GNE: variants seen among roughly 807,000 people sequenced by gnomAD.
The protein encoded by GNE is bifunctional UDP-N-acetylglucosamine 2-epimerase/N-acetylmannosamine kinase.
A neutral mutation model predicts 61.8 loss-of-function variants in GNE; 41 were observed. The ratio of observed to expected loss-of-function variants is 0.66; its 90% CI spans 0.52 to 0.86. The LOEUF (loss-of-function observed/expected upper bound fraction) is 0.86, where lower values mean the gene tolerates loss of function less well. GNE is among the 40% of genes least tolerant of loss of function. The pLI, the probability that GNE is intolerant of heterozygous loss-of-function variation, is 0.00. For synonymous variants in GNE, 264 were observed against 326.4 expected (o/e 0.81, Z 2.06); for missense variants, 608 against 909.1 (o/e 0.67, Z 4.26).
intron 1 of GNE, among the ~76,000 whole-genome samples, chr9:36,253,044 C>G (rs1830173221): frequency 6.7e-6 from 1 of 148,732 alleles, no homozygotes. Context: ...CACCTATAGT[C>G]CCAGCTACTT....
chr9:36,267,800 G>A (rs1830864901), intron 1 of GNE: 1 of 151,948 alleles, frequency 6.6e-6, no homozygotes, highest in African/African-American at 2.4e-5. Flanking sequence ...TGCAGTGGCA[G>A]TATCGTAGCC....
intron 3 of GNE, among the ~76,000 whole-genome samples, chr9:36,237,341 A>C (rs762297727): frequency 6.6e-6 from 1 of 152,234 alleles, no homozygotes; most frequent in Non-Finnish European, 1.5e-5. Context: ...AGCAATATCA[A>C]TGAATAATAA....
upstream of GNE, among the ~76,000 whole-genome samples, chr9:36,260,295 A>G (rs185150871): frequency 7.2e-4 from 108 of 149,730 alleles, 1 homozygote; most frequent in East Asian, 9.5e-3. Flanking sequence ...AAAAAAAAAA[A>G]AAAGAAAGAA....
upstream of GNE, among the ~76,000 whole-genome samples, chr9:36,260,599 G>C (rs545190638): frequency 8.5e-5 from 13 of 152,222 alleles, no homozygotes; most frequent in East Asian, 2.5e-3. Context: ...GCCAGGCGCG[G>C]TGGCTCACGC....
intron 1 of GNE, among the ~76,000 whole-genome samples, chr9:36,274,423 T>G (rs1347854325): frequency 6.6e-6 from 1 of 152,104 alleles, no homozygotes; most frequent in Non-Finnish European, 1.5e-5. Context: ...TATTTAGCGG[T>G]GCTTTCCTGG....
In GNE at chr9:36,258,380, C is replaced by G. The variant is rs1053014986; in HGVS notation, c.-102G>C. On this transcript the variant is annotated 5_prime_UTR_variant, in exon 1 of 12. Transcript: ENST00000642385. ...CCGCGCTCCTCGGGCGAGGGACGAA[C>G]CAAGCGCCACGAAGCAGGCAGAGCG... 1.7e-3 allele frequency: 1,699 copies of G among 985,574 alleles called. 4 individuals are homozygous for G. The highest frequency in any genetic ancestry group is 2.0e-3 in the Non-Finnish European group (1,639 of 830,026). The allele number at this position is 985,574 out of a possible 1,614,324, so 61.1% of individuals were successfully genotyped here. A position where few individuals can be genotyped will look rare whatever the true frequency, so the allele number is the denominator to read the frequency against.
At chr9:36,245,700 G>A (rs1207380180) in intron 3 of GNE, among the ~76,000 whole-genome samples, 1 of 151,982 alleles carries the variant, frequency 6.6e-6, no homozygotes, top group East Asian at 1.9e-4. Context: ...AAAATAAAAT[G>A]AAATGGCATA....
chr9:36,218,497 C>A lies in GNE; in HGVS notation c.1817-198G>T, dbSNP rs577296238. Among the ~76,000 whole-genome samples, 1 of 152,214 alleles carries A rather than the reference C, an allele frequency of 6.6e-6. No individual in the cohort carries two copies. Among genetic ancestry groups the A allele is most frequent in the Non-Finnish European group, 1.5e-5 (1 of 68,032 alleles). ...CCTCTTGCTAATTGGTTGTACATAA[C>A]CCAGAACCTATCTTCCTGGAAAAAC... On this transcript the variant is annotated intron_variant, in intron 10 of 11. Coordinates refer to ENST00000642385, the MANE Select transcript of GNE (RefSeq NM_005476.7). This position sits in a 1 kb window ranked among gnomAD's most constrained non-coding sequence, Gnocchi z 4.1.
At chr9:36,225,560 G>C (rs1011899961) in intron 7 of GNE, among the ~76,000 whole-genome samples, 1 of 152,052 alleles carries the variant, frequency 6.6e-6, no homozygotes, top group African/African-American at 2.4e-5. Context: ...ACTTGAGCCC[G>C]GGAGGCAGAG....
chr9:36,222,628 G>C (rs1042551816), intron 9 of GNE, 149 bp downstream of exon 9: 3 of 764,466 alleles, frequency 3.9e-6, no homozygotes, highest in Non-Finnish European at 7.2e-6. Context: ...CTGGGCACAT[G>C]CTCAGAAAAG....
intron 5 of GNE, among the ~76,000 whole-genome samples, chr9:36,233,483 A>G (rs562701895): frequency 1.3e-5 from 2 of 152,084 alleles, no homozygotes; most frequent in Non-Finnish European, 2.9e-5. Flanking sequence ...TGGCTAACAA[A>G]GTGAAACCCC....
intron 4 of GNE, among the ~76,000 whole-genome samples, 187 bp downstream of exon 4, chr9:36,236,645 T>A (rs1215307268): frequency 6.6e-6 from 1 of 152,236 alleles, no homozygotes; most frequent in East Asian, 1.9e-4. Context: ...CTACTGGACT[T>A]GGCAAAAACA....
intron 1 of GNE, among the ~76,000 whole-genome samples, chr9:36,270,676 C>T (rs1252834419): frequency 6.6e-6 from 1 of 152,156 alleles, no homozygotes; most frequent in Non-Finnish European, 1.5e-5. Flanking sequence ...CGCCACCGCG[C>T]CCGGCTAATG....
In GNE at chr9:36,273,221, ATT is replaced by A. The variant is rs34635171; in HGVS notation, c.51+3671_51+3672del. On this transcript the variant is annotated intron_variant, in intron 1 of 11. Coordinates refer to the GNE transcript ENST00000396594. Reference sequence around the variant, plus strand: ...GTGCTAGACATTATGCACTCCATAAATTTTTTTTTTTTTTGAGACAATGTCTC... The same window carrying A: ...GTGCTAGACATTATGCACTCCATAAATTTTTTTTTTTTGAGACAATGTCTC... Among the ~76,000 whole-genome samples, 6 of 146,418 alleles carry A rather than the reference ATT, an allele frequency of 4.1e-5. No individual in the cohort carries two copies. In the South Asian group the frequency reaches 1.1e-3, roughly 27 times the overall value.
intron 7 of GNE, among the ~76,000 whole-genome samples, chr9:36,224,040 C>T (rs1270044455): frequency 2.6e-5 from 4 of 152,078 alleles, no homozygotes; most frequent in African/African-American, 7.2e-5. Context: ...GCGTGAGCCA[C>T]TGCCCCCGGC....
At chr9:36,224,174 G>A (rs1014639297) in intron 7 of GNE, among the ~76,000 whole-genome samples, 5 of 151,436 alleles carry the variant, frequency 3.3e-5, no homozygotes, top group Non-Finnish European at 5.9e-5. Context: ...GGGCATAGTG[G>A]CTCACGCCTG....
rs761654507 is a variant in GNE, at chr9:36,217,468, G to A, written c.2066C>T (p.Ser689Phe). 2 of 1,614,008 alleles carry A rather than the reference G, an allele frequency of 1.2e-6. No homozygotes were observed. The highest frequency in any genetic ancestry group is 2.2e-5 in the East Asian group (1 of 44,900). The change falls in exon 12 of 12, where the codon TCC becomes TTC. Residue 689 changes from serine (S) to phenylalanine (F), a missense_variant. Transcript: ENST00000642385. ...CACCACATCCACGTCCTGCACGGAGGACAAGGCCTGCTGGCGAATGACGTC... is the reference window on the plus strand; with the variant it reads ...CACCACATCCACGTCCTGCACGGAGAACAAGGCCTGCTGGCGAATGACGTC... ...VKDVIRQQAL[S>F]SVQDVDVVVS...
chr9:36,242,416 G>A (rs1274460344), intron 3 of GNE, among the ~76,000 whole-genome samples: 2 of 152,134 alleles, frequency 1.3e-5, no homozygotes, highest in Admixed American at 1.3e-4. Context: ...CTTTCTAATG[G>A]TTATTTGCTG....
At chr9:36,227,201 A>T in intron 7 of GNE, 47 bp downstream of exon 7, 1 of 1,215,342 alleles carries the variant, frequency 8.2e-7, no homozygotes, top group Non-Finnish European at 1.2e-6. Context: ...AAAAAAAATC[A>T]ATCGCTCATA....
Sources: allele counts gnomAD v4.1 joint callset (sites outside exome capture counted in the v4.1 genomes callset), GRCh38; gene constraint gnomAD v4.1.1; non-coding constraint Gnocchi (gnomAD v3.1); transcripts MANE v1.5; gene names NCBI Gene and HGNC (gene_info 2026-07-23, HGNC 2026-07-21).